Variants in PER3 observed in about 807,000 individuals in gnomAD.
PER3 encodes period circadian regulator 3.
In PER3, 107 loss-of-function variants were observed where a neutral mutation model predicts 127.2. The observed-to-expected ratio is 0.84, with a 90% confidence interval of 0.72 to 0.99. PER3 has a LOEUF of 0.99. PER3 is among the 50% of genes least tolerant of loss of function. The probability of loss-of-function intolerance (pLI) is 0.00; values close to 1 mark genes in which losing one functional copy is unlikely to be tolerated. For synonymous variants in PER3, 618 were observed against 585.8 expected (o/e 1.05, Z -0.79); for missense variants, 1,560 against 1,525.8 (o/e 1.02, Z -0.37).
intron 19 of PER3, 43 bp downstream of exon 19, chr1:7,830,204 A>G (rs1773135): frequency 0.66 from 1,009,270 of 1,519,442 alleles, 338,002 homozygotes; most frequent in East Asian, 0.84. Flanking sequence ...CCAATGCCAG[A>G]CATTCACTAT....
intron 16 of PER3, among the ~76,000 whole-genome samples, chr1:7,820,880 CACTTAAT>C (rs1449730895): frequency 1.3e-5 from 2 of 152,324 alleles, no homozygotes; most frequent in East Asian, 3.8e-4. Context: ...ACATATAAAG[CACTTAAT>C]ACAGTACCTA....
intron 6 of PER3, among the ~76,000 whole-genome samples, chr1:7,794,359 A>G (rs1451456856): frequency 6.6e-6 from 1 of 152,088 alleles, no homozygotes; most frequent in African/African-American, 2.4e-5. Context: ...TAGACGTGGT[A>G]GTGCACGCCT....
At chr1:7,806,812 A>ATATATATATATATATATATATATAT (rs1553309916) in intron 10 of PER3, among the ~76,000 whole-genome samples, 1 of 60,630 alleles carries the variant, frequency 1.6e-5, no homozygotes, top group African/African-American at 6.8e-5. Context: ...AAAAAAAAAA[A>ATATATATATATATATATATATATAT]ATATATATAT....
chr1:7,804,737 A>T (rs1401447114), intron 10 of PER3, among the ~76,000 whole-genome samples: 1 of 151,848 alleles, frequency 6.6e-6, no homozygotes, highest in Admixed American at 6.6e-5. Flanking sequence ...TCCTGCCAGC[A>T]CAGCTGACAC....
At chr1:7,803,667 A>G (rs368833517) in intron 9 of PER3, 25 bp from the exon 10 acceptor site, 4 of 1,434,542 alleles carry the variant, frequency 2.8e-6, no homozygotes, top group African/African-American at 2.8e-5. Flanking sequence ...AGTAAATCCT[A>G]TTTTTGTCTT....
intron 17 of PER3, 116 bp from the exon 18 acceptor site, chr1:7,827,002 C>A (rs997304826): frequency 3.9e-6 from 3 of 777,600 alleles, no homozygotes; most frequent in South Asian, 3.9e-5. Flanking sequence ...TTTTGTCATT[C>A]TGGTAGTATT....
intron 21 of PER3, among the ~76,000 whole-genome samples, chr1:7,839,598 TC>T (rs1291980264): frequency 6.6e-6 from 1 of 152,228 alleles, no homozygotes; most frequent in African/African-American, 2.4e-5. Context: ...GGTATCAAAC[TC>T]CCTGGCTTTT....
rs1005609537 is a variant in PER3, at chr1:7,827,286, C to T, written c.2357C>T (p.Pro786Leu). 6.8e-6 allele frequency: 11 copies of T among 1,613,734 alleles called. No individual in the cohort carries two copies. The highest frequency in any genetic ancestry group is 8.5e-6 in the Non-Finnish European group (10 of 1,179,906). ...QPCCPSAASS[P>L]HTSSPTFPPA... ...TGCTGCCCCTCCGCGGCCTCCTCTC[C>T]GCACACCTCGAGCCCGACCTTCCCA... is the stretch of plus-strand genomic sequence containing the variant. The change falls in exon 18 of 22, where the codon CCG (proline) becomes CTG (leucine). Residue 786 changes from proline (P) to leucine (L), a missense_variant. Pro to Leu is a moderately conservative substitution (Grantham distance 98, BLOSUM62 -3). Around this residue, in one of 3 missense-constraint regions of PER3, gnomAD observed 1,332 missense variants for 1,223.6 expected, o/e 1.09. Coordinates refer to ENST00000377532, the MANE Select transcript of PER3 (RefSeq NM_001377275.1).
intron 13 of PER3, among the ~76,000 whole-genome samples, chr1:7,812,866 G>C (rs995950047): frequency 6.6e-6 from 1 of 152,150 alleles, no homozygotes. Flanking sequence ...CAAGTTTAAA[G>C]AGCTACAGAA....
intron 21 of PER3, among the ~76,000 whole-genome samples, chr1:7,837,608 AT>A (rs2097364442): frequency 6.6e-6 from 1 of 152,246 alleles, no homozygotes. Flanking sequence ...TTTTGCTGTT[AT>A]GAGTTCTTCT....
At chr1:7,802,629 T>G (rs1434196746) in intron 8 of PER3, among the ~76,000 whole-genome samples, 1 of 150,678 alleles carries the variant, frequency 6.6e-6, no homozygotes, top group Non-Finnish European at 1.5e-5. Context: ...CATTATTCAT[T>G]TAACATCATC....
intron 16 of PER3, among the ~76,000 whole-genome samples, chr1:7,825,839 C>G (rs573195792): frequency 2.7e-5 from 4 of 148,710 alleles, no homozygotes; most frequent in Non-Finnish European, 5.9e-5. Context: ...TGCAGTGAGC[C>G]AAGATCACGC....
At chr1:7,805,378 AC>A (rs1479365023) in intron 10 of PER3, among the ~76,000 whole-genome samples, 1 of 152,128 alleles carries the variant, frequency 6.6e-6, no homozygotes, top group Non-Finnish European at 1.5e-5. Context: ...GTATTTGATC[AC>A]CTGTTAATAT....
At chr1:7,793,426 AG>A (rs1265785434) in intron 5 of PER3, among the ~76,000 whole-genome samples, 4 of 152,192 alleles carry the variant, frequency 2.6e-5, no homozygotes, top group Admixed American at 1.3e-4. Flanking sequence ...AGTTTTCTGG[AG>A]GTTTATCCAT....
rs758743497 is a variant in PER3 at position 7,788,057 on chromosome 1, G to A, written c.403G>A (p.Ala135Thr). The A allele has an allele frequency of 6.2e-7, 1 of 1,609,266 alleles. No homozygotes were observed. Among genetic ancestry groups the A allele is most frequent in the East Asian group, 2.2e-5 (1 of 44,842 alleles). ...HTSKNTDTFV[A>T]VFSFLSGRLV... ...ATGTTTTTCATAGGATACCTTTGTG[G>A]CAGTATTTTCATTTCTGTCTGGAAG... Residue 135 changes from alanine to threonine, a missense_variant, in exon 5 of 22, where the codon GCA (alanine) becomes ACA (threonine). Ala to Thr is a moderately conservative substitution (Grantham distance 58). Transcript: ENST00000377532.
chr1:7,830,792 G>A (rs2097328201), intron 19 of PER3, among the ~76,000 whole-genome samples: 1 of 152,146 alleles, frequency 6.6e-6, no homozygotes, highest in African/African-American at 2.4e-5. Flanking sequence ...ATACACGTGT[G>A]GGTGTATTTC....
rs930959626 is a variant in PER3 at position 7,794,128 on chromosome 1, T to C, written c.644+120T>C. The C allele has an allele frequency of 1.2e-5, 10 of 825,362 alleles. No homozygotes were observed. In the African/African-American group the frequency reaches 1.3e-4, roughly 11 times the overall value. 51.1% of individuals were successfully genotyped at this position (825,362 alleles called of 1,614,324 possible). On this transcript the variant is annotated intron_variant, in intron 6 of 21. Coordinates refer to ENST00000377532, the MANE Select transcript of PER3 (RefSeq NM_001377275.1). ...GTTGCGAGATACAAAAAATAAGACT[T>C]GGTTATTGCCACAAGGAGTTCGTAT...
At chr1:7,792,227 C>A (rs963365342) in intron 5 of PER3, among the ~76,000 whole-genome samples, 1 of 152,098 alleles carries the variant, frequency 6.6e-6, no homozygotes, top group Non-Finnish European at 1.5e-5. Context: ...ATGTCCTTCA[C>A]GTGGCAACAG....
chr1:7,789,971 G>A (rs894489478), intron 5 of PER3, among the ~76,000 whole-genome samples: 5 of 152,038 alleles, frequency 3.3e-5, no homozygotes, highest in Admixed American at 1.3e-4. Flanking sequence ...TTTGTTAGCT[G>A]TTCATTCCGT....
Sources: allele counts gnomAD v4.1 joint callset (sites outside exome capture counted in the v4.1 genomes callset), GRCh38; gene constraint gnomAD v4.1.1; regional missense constraint gnomAD v4.1.1; transcripts MANE v1.5; gene names NCBI Gene and HGNC (gene_info 2026-07-23, HGNC 2026-07-21).